FGF12: variants seen among roughly 807,000 people sequenced by gnomAD.
The protein encoded by FGF12 is fibroblast growth factor 12.
Under a neutral mutation model 23.6 loss-of-function variants are expected in FGF12, and 14 were observed. The ratio of observed to expected loss-of-function variants is 0.59; its 90% CI spans 0.39 to 0.93. FGF12 has a LOEUF of 0.93. Ranked by LOEUF, FGF12 falls within the 40% of genes least tolerant of loss-of-function variation. The pLI, the probability that FGF12 is intolerant of heterozygous loss-of-function variation, is 0.00. For missense variants in FGF12, 175 were observed against 217.8 expected, an observed-to-expected ratio of 0.80 and a Z score of 1.24; for synonymous variants, 62 against 77.3, an observed-to-expected ratio of 0.80 and a Z score of 1.04.
In FGF12 at chr3:192,461,553, A is replaced by C. The variant is rs541672793; in HGVS notation, c.14-101015T>G. ...AGTATTTTTATCTGATGTGGTTTTT[A>C]TTTCTTAATTTAAAGAAATTTTATG... On this transcript the variant is annotated intron_variant, in intron 2 of 5. Coordinates refer to ENST00000445105, the MANE Select transcript of FGF12 (RefSeq NM_004113.6). Among the ~76,000 whole-genome samples the C allele has an allele frequency of 2.6e-5, 4 of 151,946 alleles. No individual in the cohort carries two copies. In the South Asian group the frequency reaches 8.3e-4, roughly 31 times the overall value.
At chr3:192,242,959 G>A (rs1719697459) in intron 4 of FGF12, among the ~76,000 whole-genome samples, 1 of 152,084 alleles carries the variant, frequency 6.6e-6, no homozygotes, top group East Asian at 1.9e-4. Flanking sequence ...AAAATTAAAA[G>A]ACAGAAATCA....
At chr3:192,407,620 C>A (rs73193594) in intron 2 of FGF12, among the ~76,000 whole-genome samples, 36,947 of 151,790 alleles carry the variant, frequency 0.24, 5,808 homozygotes, top group Non-Finnish European at 0.35. Flanking sequence ...CAGTGGGCAG[C>A]GTAAGTACTG....
intron 5 of FGF12, among the ~76,000 whole-genome samples, chr3:192,159,943 AGTGTGTGTGTGTGTGT>A (rs10575323): frequency 1.6e-4 from 24 of 149,306 alleles, no homozygotes; most frequent in African/African-American, 4.4e-4. Flanking sequence ...ATATTTAAGT[AGTGTGTGTGTGTGTGT>A]GTGTGTGTGT....
intron 3 of FGF12, among the ~76,000 whole-genome samples, chr3:192,339,447 A>G (rs981711704): frequency 6.6e-6 from 1 of 151,966 alleles, no homozygotes. Flanking sequence ...CCTGTCTCCA[A>G]TGTCCTTTAC....
intron 4 of FGF12, among the ~76,000 whole-genome samples, chr3:192,224,134 C>T (rs1718609893): frequency 1.3e-5 from 2 of 152,040 alleles, no homozygotes; most frequent in South Asian, 2.1e-4. Flanking sequence ...ATTACAAAAT[C>T]CATTATTACT....
intron 2 of FGF12, among the ~76,000 whole-genome samples, chr3:192,542,962 T>G (rs1160443828): frequency 1.3e-5 from 2 of 152,134 alleles, no homozygotes; most frequent in Non-Finnish European, 2.9e-5. Flanking sequence ...CTGAAACTAG[T>G]ATGGTACTGG....
At chr3:192,577,044 A>G (rs1712930158) in intron 2 of FGF12, among the ~76,000 whole-genome samples, 3 of 152,064 alleles carry the variant, frequency 2.0e-5, no homozygotes, top group South Asian at 4.1e-4. Flanking sequence ...ATCACACACC[A>G]GGGCCTGTCG....
intron 2 of FGF12, among the ~76,000 whole-genome samples, chr3:192,449,593 A>C (rs1302436938): frequency 2.0e-5 from 3 of 152,136 alleles, no homozygotes; most frequent in Non-Finnish European, 4.4e-5. Flanking sequence ...CTACAGACGA[A>C]GGCTTCTCTA....
chr3:192,609,849 C>T (rs1714486064), intron 2 of FGF12, among the ~76,000 whole-genome samples: 1 of 152,074 alleles, frequency 6.6e-6, no homozygotes, highest in South Asian at 2.1e-4. Context: ...ACTGCACTTG[C>T]TCACTTGACT....
At chr3:192,291,713 A>G (rs1321870089) in intron 4 of FGF12, among the ~76,000 whole-genome samples, 5 of 152,192 alleles carry the variant, frequency 3.3e-5, no homozygotes, top group Non-Finnish European at 2.9e-5. Context: ...TATTAATAGA[A>G]TAAATGTGAG....
chr3:192,357,667 A>AT (rs1165369490), intron 3 of FGF12, among the ~76,000 whole-genome samples: 8 of 152,154 alleles, frequency 5.3e-5, no homozygotes, highest in Admixed American at 5.2e-4. Context: ...CTTACTATGT[A>AT]TTACAGACCA....
chr3:192,327,100 AT>A (rs1413353578), intron 4 of FGF12, among the ~76,000 whole-genome samples: 1 of 152,202 alleles, frequency 6.6e-6, no homozygotes, highest in Non-Finnish European at 1.5e-5. Context: ...GAGTGGGCTT[AT>A]TTAAGTCAAG....
chr3:192,408,135 C>G lies in FGF12; in HGVS notation c.14-47597G>C. ...GCGCCCGTCTTTGCTGGGGCTGGAG[C>G]GGCGCTTGGAGGCCGACACTCGGTC... On this transcript the variant is annotated intron_variant, in intron 2 of 5. Coordinates refer to ENST00000445105, the MANE Select transcript of FGF12 (RefSeq NM_004113.6). This position sits in a 1 kb window ranked among gnomAD's most constrained non-coding sequence, Gnocchi z 7.3. 6.2e-7 allele frequency: 1 copy of G among 1,612,528 alleles called. No homozygotes were observed. The highest frequency in any genetic ancestry group is 8.5e-7 in the Non-Finnish European group (1 of 1,179,968).
chr3:192,415,595 T>C (rs1013003659), intron 2 of FGF12, among the ~76,000 whole-genome samples: 6 of 151,994 alleles, frequency 3.9e-5, no homozygotes, highest in Non-Finnish European at 7.4e-5. Flanking sequence ...TTATCAACAC[T>C]CCCTAAAATT....
At chr3:192,676,090 C>G (rs1312847679) in intron 2 of FGF12, among the ~76,000 whole-genome samples, 1 of 152,192 alleles carries the variant, frequency 6.6e-6, no homozygotes, top group Admixed American at 6.5e-5. Context: ...ACACAGCCAC[C>G]AAACCAGAAG....
At position 192,408,009 on chromosome 3, in the gene FGF12, C is replaced by T; in HGVS notation, c.14-47471G>A. On this transcript the variant is annotated intron_variant, in intron 2 of 5. Coordinates refer to ENST00000445105, the MANE Select transcript of FGF12 (RefSeq NM_004113.6). This position sits in a 1 kb window ranked among gnomAD's most constrained non-coding sequence, Gnocchi z 7.3. The stretch of plus-strand genomic sequence containing the variant: ...GCGTCCCCTCTGGGGAGCCCACTCT[C>T]CGGGCTTCTACTGACCTGGTCTCCG... 6.3e-7 allele frequency: 1 copy of T among 1,595,238 alleles called. No individual in the cohort carries two copies. Among genetic ancestry groups the T allele is most frequent in the Non-Finnish European group, 8.5e-7 (1 of 1,171,314 alleles).
At chr3:192,720,266 G>C (rs1718997474) in intron 2 of FGF12, among the ~76,000 whole-genome samples, 1 of 152,140 alleles carries the variant, frequency 6.6e-6, no homozygotes, top group South Asian at 2.1e-4. Flanking sequence ...ATTAGTAATG[G>C]GGCTTGTTTC....
intron 4 of FGF12, among the ~76,000 whole-genome samples, chr3:192,285,429 A>G (rs1714395257): frequency 6.6e-6 from 1 of 152,090 alleles, no homozygotes; most frequent in South Asian, 2.1e-4. Flanking sequence ...TATGAAGAAT[A>G]TCAGCTTATT....
intron 4 of FGF12, among the ~76,000 whole-genome samples, chr3:192,257,075 G>C (rs1034159867): frequency 6.6e-6 from 1 of 152,072 alleles, no homozygotes; most frequent in Non-Finnish European, 1.5e-5. Flanking sequence ...AAAACTGTAA[G>C]AGCAATCTGT....
Sources: allele counts gnomAD v4.1 joint callset (sites outside exome capture counted in the v4.1 genomes callset), GRCh38; gene constraint gnomAD v4.1.1; non-coding constraint Gnocchi (gnomAD v3.1); transcripts MANE v1.5; gene names NCBI Gene and HGNC (gene_info 2026-07-23, HGNC 2026-07-21).